SNAPC1: variants seen among roughly 807,000 people sequenced by gnomAD.
SNAPC1 encodes snRNA-activating protein complex subunit 1.
Under a neutral mutation model 50.1 loss-of-function variants are expected in SNAPC1, and 42 were observed. The observed-to-expected ratio is 0.84, with a 90% CI of 0.65 to 1.08. SNAPC1 has a LOEUF of 1.08. Ranked by LOEUF, SNAPC1 falls within the 50% of genes least tolerant of loss-of-function variation. The pLI, the probability that SNAPC1 is intolerant of heterozygous loss-of-function variation, is 0.00. For missense variants in SNAPC1, 477 were observed against 427.3 expected, an observed-to-expected ratio of 1.12 and a Z score of -1.02; for synonymous variants, 164 against 144.2, an observed-to-expected ratio of 1.14 and a Z score of -0.98.
At chr14:61,779,634 T>C (rs1412593038) in intron 7 of SNAPC1, among the ~76,000 whole-genome samples, 1 of 150,418 alleles carries the variant, frequency 6.6e-6, no homozygotes, top group Admixed American at 6.6e-5. Context: ...TTAACTACAG[T>C]TTTTTTTTGA....
At chr14:61,767,818 C>T (rs980895925) in intron 3 of SNAPC1, among the ~76,000 whole-genome samples, 19 of 152,084 alleles carry the variant, frequency 1.2e-4, no homozygotes, top group African/African-American at 4.3e-4. Context: ...CTTGCCCTGT[C>T]GCCCAGGCTG....
intron 8 of SNAPC1, among the ~76,000 whole-genome samples, chr14:61,783,017 A>ATTTTTTTTTTT (rs767793462): frequency 8.7e-6 from 1 of 115,258 alleles, no homozygotes; most frequent in Non-Finnish European, 1.8e-5. Context: ...TTTCCAGTGC[A>ATTTTTTTTTTT]TTTTTTTTTT....
At position 61,766,948 on chromosome 14, in the gene SNAPC1, A is replaced by C. The variant is rs756250420; in HGVS notation, c.201A>C (p.Leu67Phe). Residue 67 changes from leucine to phenylalanine, a missense_variant, in exon 2 of 10, where the codon TTA becomes TTC. Leu to Phe is a conservative substitution (Grantham distance 22). Transcript: ENST00000216294. ...EALALAWRYF[L>F]PPYTFQIRVG... ...TAGCTTTGGCTTGGCGATATTTTTT[A>C]CCTCCATACACCTTCCAGATCAGAG... 1.2e-6 allele frequency: 2 copies of C among 1,607,240 alleles called. No individual in the cohort carries two copies. The highest frequency in any genetic ancestry group is 3.3e-5 in the Admixed American group (2 of 60,006).
intron 8 of SNAPC1, among the ~76,000 whole-genome samples, chr14:61,789,789 G>T (rs781479950): frequency 6.6e-6 from 1 of 152,176 alleles, no homozygotes; most frequent in Non-Finnish European, 1.5e-5. Flanking sequence ...CAATTGGTAG[G>T]CAGAGGGGGA....
chr14:61,783,563 T>G (rs1469425177), intron 8 of SNAPC1, among the ~76,000 whole-genome samples: 98 of 131,312 alleles, frequency 7.5e-4, no homozygotes, highest in African/African-American at 2.8e-3. Flanking sequence ...TGAGACAGAG[T>G]CTTGCTGTGT....
At chr14:61,777,496 G>T (rs1470820457) in intron 5 of SNAPC1, among the ~76,000 whole-genome samples, 2 of 152,122 alleles carry the variant, frequency 1.3e-5, no homozygotes, top group East Asian at 3.8e-4. Flanking sequence ...ACCCACCTCA[G>T]CCTTCAGTGT....
chr14:61,763,463 T>TC (rs1427267223), intron 1 of SNAPC1, among the ~76,000 whole-genome samples: 1 of 146,916 alleles, frequency 6.8e-6, no homozygotes, highest in African/African-American at 2.5e-5. Flanking sequence ...CTCCATGCAC[T>TC]CACTTTCTTG....
At chr14:61,785,315 C>T (rs190529440) in intron 8 of SNAPC1, among the ~76,000 whole-genome samples, 115 of 152,260 alleles carry the variant, frequency 7.6e-4, no homozygotes, top group African/African-American at 2.6e-3. Flanking sequence ...GGCAGAATTG[C>T]TTGAACCCGG....
Position 61,783,016 on chromosome 14 carries a change from C to CTTT in SNAPC1, c.976+619_976+620insTTT, listed in dbSNP as rs1191462174. On this transcript the variant is annotated intron_variant, in intron 8 of 9. Transcript: ENST00000216294. ...GAAATCAGTCTAGAATTTTCCAGTG[C>CTTT]ATTTTTTTTTTTTTTTTTTTTTTGA... Among the ~76,000 whole-genome samples, 84 of 125,910 alleles carry CTTT rather than the reference C, an allele frequency of 6.7e-4. 1 individual carries two copies. The highest frequency in any genetic ancestry group is 1.8e-3 in the South Asian group (7 of 3,936). 82.6% of individuals were successfully genotyped at this position (125,910 alleles called of 152,430 possible).
Position 61,767,233 on chromosome 14 carries a change from T to G in SNAPC1, c.310T>G (p.Trp104Gly). The stretch of plus-strand genomic sequence containing the variant: ...GCAGATCAGAGTTGCCCTGAAGGAT[T>G]GGGATGAAGTTTTAAAATTTCAGCA... Reference protein sequence around the residue: ...KQKIRVALKDWDEVLKFQQDL... With the variant: ...KQKIRVALKDGDEVLKFQQDL... Residue 104 changes from tryptophan to glycine, a missense_variant, in exon 3 of 10, where the codon TGG becomes GGG. Trp to Gly is a radical substitution (Grantham distance 184). Coordinates refer to ENST00000216294, the MANE Select transcript of SNAPC1 (RefSeq NM_003082.4). 6.7e-7 allele frequency: 1 copy of G among 1,502,930 alleles called. No homozygotes were observed. Among genetic ancestry groups the G allele is most frequent in the Non-Finnish European group, 8.9e-7 (1 of 1,125,236 alleles). 93.1% of individuals were successfully genotyped at this position (1,502,930 alleles called of 1,614,324 possible).
Position 61,794,968 on chromosome 14 carries a change from G to A in SNAPC1, c.1092G>A (p.Lys364=), listed in dbSNP as rs202226636. 3 of 1,582,006 alleles carry A rather than the reference G, an allele frequency of 1.9e-6. No homozygotes were observed. Among genetic ancestry groups the A allele is most frequent in the East Asian group, 2.3e-5 (1 of 44,432 alleles). The part of the protein sequence containing the change: ...LSGTEFTASK[K]RRKH ...CTTTAGAGTTCACTGCATCCAAGAA[G>A]AGGAGAAAACACTGAACAAAGAGCC... is the stretch of plus-strand genomic sequence containing the variant. Residue 364 remains lysine (K), a synonymous_variant, in exon 10 of 10, where the codon AAG becomes AAA. Transcript: ENST00000216294.
chr14:61,792,468 G>A (rs557713126), intron 8 of SNAPC1, among the ~76,000 whole-genome samples: 54 of 152,290 alleles, frequency 3.5e-4, no homozygotes, highest in African/African-American at 1.3e-3. Context: ...TAAAGTTGAA[G>A]TAACATATGT....
Position 61,796,402 on chromosome 14 carries a change from C to T in SNAPC1, c.*1419C>T, listed in dbSNP as rs764780672. The T allele has an allele frequency of 9.9e-5, 15 of 152,214 alleles. No homozygotes were observed. The highest frequency in any genetic ancestry group is 3.9e-4 in the East Asian group (2 of 5,184). 9.4% of individuals were successfully genotyped at this position (152,214 alleles called of 1,614,324 possible). On this transcript the variant is annotated 3_prime_UTR_variant, in exon 10 of 10. Coordinates refer to ENST00000216294, the MANE Select transcript of SNAPC1 (RefSeq NM_003082.4). ...TTAAAAATCAGAATGCTAATGCTGA[C>T]GCAAATAAAATTTTCATTTATTAGC... is the stretch of plus-strand genomic sequence containing the variant.
At chr14:61,776,595 A>G (rs1031682665) in intron 5 of SNAPC1, among the ~76,000 whole-genome samples, 1 of 152,202 alleles carries the variant, frequency 6.6e-6, no homozygotes, top group African/African-American at 2.4e-5. Context: ...TTTGTTTGGC[A>G]TAGTGTTGAT....
intron 9 of SNAPC1, among the ~76,000 whole-genome samples, chr14:61,794,468 C>T (rs1267798551): frequency 2.6e-5 from 4 of 152,024 alleles, no homozygotes; most frequent in Admixed American, 2.0e-4. Context: ...TGCAGTGGCA[C>T]GATCTTGGCT....
At chr14:61,764,589 A>G (rs2044933330) in intron 1 of SNAPC1, among the ~76,000 whole-genome samples, 1 of 152,234 alleles carries the variant, frequency 6.6e-6, no homozygotes, top group East Asian at 1.9e-4. Context: ...CCACCATTAC[A>G]AAGATAGTGG....
At chr14:61,794,525 C>T (rs2045174755) in intron 9 of SNAPC1, among the ~76,000 whole-genome samples, 1 of 152,158 alleles carries the variant, frequency 6.6e-6, no homozygotes, top group Non-Finnish European at 1.5e-5. Context: ...CCTGCTTCAG[C>T]CTCCTGAGTA....
chr14:61,782,337 A>G lies in SNAPC1; in HGVS notation c.916A>G (p.Lys306Glu). The G allele has an allele frequency of 1.2e-6, 2 of 1,613,454 alleles. No homozygotes were observed. Among genetic ancestry groups the G allele is most frequent in the South Asian group, 1.1e-5 (1 of 90,952 alleles). The change falls in exon 8 of 10, where the codon AAA (lysine) becomes GAA (glutamate). Residue 306 changes from lysine to glutamate, a missense_variant. Coordinates refer to ENST00000216294, the MANE Select transcript of SNAPC1 (RefSeq NM_003082.4). ...TCAAGGGCAAGTCAAAGCAACTAGG[A>G]AAAAAGAGAAGAAAGAAAGATTGAA... is the stretch of plus-strand genomic sequence containing the variant. The part of the protein sequence containing the change: ...SGQGQVKATR[K>E]KEKKERLKPA...
In SNAPC1 at chr14:61,776,140, A is replaced by C. The variant is rs2045033774; in HGVS notation, c.580A>C (p.Ile194Leu). 1.2e-6 allele frequency: 2 copies of C among 1,608,430 alleles called. No homozygotes were observed. The highest frequency in any genetic ancestry group is 2.2e-5 in the South Asian group (2 of 89,748). The change falls in exon 5 of 10, where the codon ATT becomes CTT. Residue 194 changes from isoleucine (I) to leucine (L), a missense_variant. Ile to Leu is a conservative substitution (Grantham distance 5, BLOSUM62 2). Coordinates refer to ENST00000216294, the MANE Select transcript of SNAPC1 (RefSeq NM_003082.4). ...TCATTATCAGAACATGAAACATGTA[A>C]TTTCAGTTGATAAGTCCAAGCCAGA... ...HDHYQNMKHV[I>L]SVDKSKPDKA...
Sources: gnomAD v4.1 joint callset for allele counts (sites outside exome capture counted in the v4.1 genomes callset) on GRCh38, gnomAD v4.1.1 for gene constraint, MANE v1.5 for transcripts, NCBI Gene and HGNC (gene_info 2026-07-23, HGNC 2026-07-21) for gene names.